The following PLCL1 variants were observed in gnomAD, a reference collection of about 807,000 sequenced individuals.
The protein encoded by PLCL1 is inactive phospholipase C-like protein 1.
In PLCL1, 41 loss-of-function variants were observed where a neutral mutation model predicts 84.4. The observed-to-expected ratio is 0.49, with a 90% CI of 0.38 to 0.63. The LOEUF (loss-of-function observed/expected upper bound fraction) is 0.63, where lower values mean the gene tolerates loss of function less well. Ranked by LOEUF, PLCL1 falls within the 30% of genes least tolerant of loss-of-function variation. The probability of loss-of-function intolerance (pLI) is 0.00; values close to 1 mark genes in which losing one functional copy is unlikely to be tolerated. For missense variants in PLCL1, 1,206 were observed against 1,367.8 expected, an observed-to-expected ratio of 0.88 and a Z score of 1.87; for synonymous variants, 490 against 488.3, an observed-to-expected ratio of 1.00 and a Z score of -0.05.
chr2:197,897,165 CTTCTTCTT>C (rs1688157844), intron 1 of PLCL1, among the ~76,000 whole-genome samples: 2 of 31,394 alleles, frequency 6.4e-5, no homozygotes, highest in Non-Finnish European at 1.1e-4. Context: ...TCTTCTTCTT[CTTCTTCTT>C]CTTCTTCTTC....
At chr2:198,061,543 T>G (rs1692200144) in intron 1 of PLCL1, among the ~76,000 whole-genome samples, 1 of 152,076 alleles carries the variant, frequency 6.6e-6, no homozygotes, top group South Asian at 2.1e-4. Flanking sequence ...TCTGGGATAA[T>G]GGGAAGCACT....
At chr2:197,854,034 C>T (rs761848255) in intron 1 of PLCL1, among the ~76,000 whole-genome samples, 1 of 152,122 alleles carries the variant, frequency 6.6e-6, no homozygotes, top group Non-Finnish European at 1.5e-5. Flanking sequence ...GGGACCCATG[C>T]TGGGTCTGAG....
chr2:197,881,226 C>T (rs757729832), intron 1 of PLCL1, among the ~76,000 whole-genome samples: 6 of 152,090 alleles, frequency 3.9e-5, no homozygotes, highest in South Asian at 2.1e-4. Flanking sequence ...TAATATGTGA[C>T]GGTTTCAGCA....
intron 1 of PLCL1, among the ~76,000 whole-genome samples, chr2:197,907,705 A>G (rs997866064): frequency 2.6e-5 from 4 of 152,194 alleles, no homozygotes; most frequent in African/African-American, 9.7e-5. Flanking sequence ...AATTGTAACT[A>G]CCCTAGTGCA....
chr2:197,975,602 G>C (rs966305565), intron 1 of PLCL1, among the ~76,000 whole-genome samples: 1 of 151,954 alleles, frequency 6.6e-6, no homozygotes, highest in African/African-American at 2.4e-5. Context: ...CCAGGAGTTC[G>C]AGACCAGTCT....
intron 1 of PLCL1, among the ~76,000 whole-genome samples, chr2:197,993,284 CT>C (rs1690380440): frequency 6.6e-6 from 1 of 152,076 alleles, no homozygotes; most frequent in Middle Eastern, 3.2e-3. Context: ...TTTTCATGTG[CT>C]TTTTGGCCAT....
intron 1 of PLCL1, among the ~76,000 whole-genome samples, chr2:197,905,473 C>T (rs1688362007): frequency 6.6e-6 from 1 of 152,228 alleles, no homozygotes; most frequent in Non-Finnish European, 1.5e-5. Flanking sequence ...ATATGTGCCA[C>T]ATTTTCTTTA....
rs78259439 is a variant in PLCL1, at chr2:198,102,272, A to G, written c.2995+912A>G. ...CTGAGATCTTTATATGTACTGATTG[A>G]CTTAAGCTTTACCTCTGTCCCATGA... On this transcript the variant is annotated intron_variant, in intron 4 of 5. Transcript: ENST00000428675. Among the ~76,000 whole-genome samples, 11 of 152,124 alleles carry G rather than the reference A, an allele frequency of 7.2e-5. No homozygotes were observed. In the East Asian group the frequency reaches 2.1e-3, roughly 30 times the overall value.
intron 5 of PLCL1, among the ~76,000 whole-genome samples, chr2:198,131,599 A>G (rs1368025629): frequency 6.6e-6 from 1 of 152,188 alleles, no homozygotes; most frequent in Non-Finnish European, 1.5e-5. Context: ...CAAAGTCACA[A>G]AGTCAATTCA....
chr2:197,856,055 G>A (rs1000098251), intron 1 of PLCL1, among the ~76,000 whole-genome samples: 3 of 152,132 alleles, frequency 2.0e-5, no homozygotes, highest in African/African-American at 7.2e-5. Context: ...CACTGCATAA[G>A]CTTTACTTTC....
chr2:197,851,133 CCTT>C (rs950443233), intron 1 of PLCL1, among the ~76,000 whole-genome samples: 3 of 152,206 alleles, frequency 2.0e-5, no homozygotes, highest in Non-Finnish European at 2.9e-5. Flanking sequence ...TAAATAAACT[CCTT>C]CTTTTCTCTT....
At chr2:198,059,835 T>G (rs116638424) in intron 1 of PLCL1, among the ~76,000 whole-genome samples, 1,816 of 152,274 alleles carry the variant, frequency 0.012, 37 homozygotes, top group African/African-American at 0.042. Flanking sequence ...AGATGGCATT[T>G]TTTGTTGCAG....
chr2:198,018,187 G>A (rs1691045620), intron 1 of PLCL1, among the ~76,000 whole-genome samples: 1 of 152,204 alleles, frequency 6.6e-6, no homozygotes, highest in African/African-American at 2.4e-5. Context: ...ATGAGGGACA[G>A]TGCTATCAGG....
intron 1 of PLCL1, among the ~76,000 whole-genome samples, chr2:198,022,875 C>A (rs1186067306): frequency 1.3e-5 from 2 of 152,112 alleles, no homozygotes; most frequent in Admixed American, 6.5e-5. Flanking sequence ...CATTGAATGT[C>A]TTTACATAAT....
At chr2:198,141,305 A>G (rs562418659) in intron 5 of PLCL1, among the ~76,000 whole-genome samples, 1 of 152,282 alleles carries the variant, frequency 6.6e-6, no homozygotes, top group South Asian at 2.1e-4. Context: ...ATTAAGTTAT[A>G]TTATATGCAA....
At chr2:197,874,102 C>T (rs1289065791) in intron 1 of PLCL1, among the ~76,000 whole-genome samples, 2 of 152,098 alleles carry the variant, frequency 1.3e-5, no homozygotes, top group African/African-American at 4.8e-5. Context: ...ATAGCACTTG[C>T]TCTGGGAAAT....
intron 1 of PLCL1, among the ~76,000 whole-genome samples, chr2:198,038,653 AAC>A (rs1426064883): frequency 6.6e-6 from 1 of 152,132 alleles, no homozygotes; most frequent in Non-Finnish European, 1.5e-5. Context: ...GCATAAACAA[AAC>A]AGTTATTCTA....
chr2:197,918,637 G>T (rs1418501587), intron 1 of PLCL1, among the ~76,000 whole-genome samples: 1 of 152,038 alleles, frequency 6.6e-6, no homozygotes, highest in African/African-American at 2.4e-5. Flanking sequence ...CAAGGGTAAA[G>T]TTGGCCAGGC....
At position 198,085,622 on chromosome 2, in the gene PLCL1, A is replaced by T; in HGVS notation, c.2105A>T (p.Asp702Val). Residue 702 changes from aspartate to valine, a missense_variant, in exon 2 of 6, where the codon GAT becomes GTT. Transcript: ENST00000428675. The surrounding 1 kb of genome is among the most constrained non-coding windows in gnomAD (Gnocchi z 5.3). Reference protein sequence around the residue: ...GYVLRPSIMRDEVSYFSANTK... With the variant: ...GYVLRPSIMRVEVSYFSANTK... ...GTTCTAAGGCCGTCTATAATGCGAGATGAAGTTTCTTACTTCAGCGCAAAT... is the reference window on the plus strand; with the variant it reads ...GTTCTAAGGCCGTCTATAATGCGAGTTGAAGTTTCTTACTTCAGCGCAAAT... 2 of 1,614,046 alleles carry T rather than the reference A, an allele frequency of 1.2e-6. No homozygotes were observed. The highest frequency in any genetic ancestry group is 1.7e-6 in the Non-Finnish European group (2 of 1,179,934).
Sources: gnomAD v4.1 joint callset for allele counts (sites outside exome capture counted in the v4.1 genomes callset) on GRCh38, gnomAD v4.1.1 for gene constraint, Gnocchi (gnomAD v3.1) non-coding constraint, MANE v1.5 for transcripts, NCBI Gene and HGNC (gene_info 2026-07-23, HGNC 2026-07-21) for gene names.